RBM20: variants seen among roughly 807,000 people sequenced by gnomAD.
RBM20 encodes the protein RNA-binding protein 20.
A neutral mutation model predicts 110.1 loss-of-function variants in RBM20; 51 were observed. The ratio of observed to expected loss-of-function variants is 0.46; its 90% CI spans 0.37 to 0.59. The LOEUF (loss-of-function observed/expected upper bound fraction) is 0.59, where lower values mean the gene tolerates loss of function less well. Ranked by LOEUF, RBM20 falls within the 20% of genes least tolerant of loss-of-function variation. The probability of loss-of-function intolerance (pLI) is 0.00; values close to 1 mark genes in which losing one functional copy is unlikely to be tolerated. For missense variants in RBM20, 1,512 were observed against 1,574.9 expected (o/e 0.96, Z 0.68); for synonymous variants, 589 against 618.2 (o/e 0.95, Z 0.70).
chr10:110,715,079 C>A (rs1042245080), intron 1 of RBM20, among the ~76,000 whole-genome samples: 1 of 152,194 alleles, frequency 6.6e-6, no homozygotes, highest in Non-Finnish European at 1.5e-5. Context: ...GAAACCCCAA[C>A]TCTACTAAAA....
intron 1 of RBM20, among the ~76,000 whole-genome samples, chr10:110,645,525 CTAAA>C (rs1861856767): frequency 6.6e-6 from 1 of 152,208 alleles, no homozygotes; most frequent in South Asian, 2.1e-4. Flanking sequence ...ACTGACAACA[CTAAA>C]TAAATACACG....
At chr10:110,647,735 ATTATT>A (rs1421707672) in intron 1 of RBM20, among the ~76,000 whole-genome samples, 6 of 152,202 alleles carry the variant, frequency 3.9e-5, no homozygotes, top group Non-Finnish European at 8.8e-5. Context: ...TATTTTTAAA[ATTATT>A]TTGTTTTAAT....
At chr10:110,741,813 AC>A (rs546645957) in intron 1 of RBM20, among the ~76,000 whole-genome samples, 2 of 148,988 alleles carry the variant, frequency 1.3e-5, no homozygotes, top group East Asian at 3.9e-4. Flanking sequence ...AGAGTACATG[AC>A]CCCCCTCCCT....
intron 1 of RBM20, among the ~76,000 whole-genome samples, chr10:110,647,879 C>G (rs747009163): frequency 2.4e-4 from 37 of 152,188 alleles, no homozygotes; most frequent in Admixed American, 2.0e-4. Flanking sequence ...CAGAGCCACT[C>G]AATTCCGTGT....
upstream of RBM20, among the ~76,000 whole-genome samples, chr10:110,643,833 G>C (rs1312300544): frequency 6.6e-6 from 1 of 152,234 alleles, no homozygotes; most frequent in Non-Finnish European, 1.5e-5. Context: ...TCAAGAGCCA[G>C]TGGCGCTGGC....
intron 1 of RBM20, among the ~76,000 whole-genome samples, chr10:110,658,287 A>G (rs1337068805): frequency 6.6e-6 from 1 of 152,184 alleles, no homozygotes; most frequent in Non-Finnish European, 1.5e-5. Context: ...CTGTGAGGGT[A>G]ATTTGACGTC....
intron 1 of RBM20, among the ~76,000 whole-genome samples, chr10:110,752,489 T>C (rs920872846): frequency 1.3e-5 from 2 of 152,246 alleles, no homozygotes; most frequent in African/African-American, 4.8e-5. Context: ...CAATTCTGAA[T>C]AAAGCTGCTA....
chr10:110,737,191 A>AAAAAAAAAAACAAAAAAAAAAAAAC (rs1564830214), intron 1 of RBM20, among the ~76,000 whole-genome samples: 1 of 143,872 alleles, frequency 7.0e-6, no homozygotes, highest in Non-Finnish European at 1.5e-5. Context: ...AAAAAAAAAA[A>AAAAAAAAAAACAAAAAAAAAAAAAC]AAAAAACACC....
At position 110,737,131 on chromosome 10, in the gene RBM20, A is replaced by G. The variant is rs1160589554; in HGVS notation, c.192-43670A>G. 4.3e-5 allele frequency among the ~76,000 whole-genome samples: 6 copies of G among 138,564 alleles called. No homozygotes were observed. In the Admixed American group the frequency reaches 4.5e-4, roughly 10 times the overall value. 90.9% of individuals were successfully genotyped at this position (138,564 alleles called of 152,430 possible). ...GGCAGAGGTTGCAGTGAGCTGAGAT[A>G]GTGCCATTGCACTCCAGCCTGGGCA... On this transcript the variant is annotated intron_variant, in intron 1 of 13. Transcript: ENST00000369519.
chr10:110,688,333 G>T (rs1862535935), intron 1 of RBM20, among the ~76,000 whole-genome samples: 1 of 152,116 alleles, frequency 6.6e-6, no homozygotes, highest in African/African-American at 2.4e-5. Flanking sequence ...TTTTACTCAA[G>T]AAATGTTCAT....
At chr10:110,681,590 G>A (rs1468427126) in intron 1 of RBM20, among the ~76,000 whole-genome samples, 1 of 152,208 alleles carries the variant, frequency 6.6e-6, no homozygotes, top group African/African-American at 2.4e-5. Flanking sequence ...AATGGCAGCT[G>A]CTGCTGCTCC....
Position 110,783,403 on chromosome 10 carries a change from A to G in RBM20, c.1313A>G (p.Gln438Arg), listed in dbSNP as rs1056519997. The change falls in exon 3 of 14, where the codon CAG becomes CGG. Residue 438 changes from glutamine (Q) to arginine (R), a missense_variant. Physicochemically the swap from Gln to Arg is conservative, Grantham distance 43. Around this residue, in one of 3 missense-constraint regions of RBM20, gnomAD observed 1,149 missense variants for 1,169.4 expected, o/e 0.98. Transcript: ENST00000369519. The part of the protein sequence containing the change: ...ELHVKGKLHA[Q>R]KCLVFSENAG... ...CATGTGAAAGGGAAGCTGCACGCTC[A>G]GAAATGCCTGGTCTTCTCTGAAAAG... 1.3e-6 allele frequency: 2 copies of G among 1,551,584 alleles called. No homozygotes were observed. The highest frequency in any genetic ancestry group is 2.0e-5 in the Admixed American group (1 of 51,000).
intron 12 of RBM20, 134 bp downstream of exon 12, chr10:110,823,748 C>CAAAAG: frequency 2.1e-6 from 2 of 938,140 alleles, no homozygotes; most frequent in Non-Finnish European, 3.3e-6. Context: ...GACAAGGTCT[C>CAAAAG]ACTCTGTCAC....
intron 1 of RBM20, among the ~76,000 whole-genome samples, chr10:110,718,046 A>G (rs571201465): frequency 1.3e-5 from 2 of 152,318 alleles, no homozygotes; most frequent in South Asian, 4.1e-4. Flanking sequence ...ATGAAGAAAA[A>G]CAGACAAGCA....
At position 110,784,339 on chromosome 10, in the gene RBM20, A is replaced by G. The variant is rs1227170979; in HGVS notation, c.1338-2A>G. On this transcript the variant is annotated splice_acceptor_variant, in intron 3 of 13. Transcript: ENST00000369519. LOFTEE classifies it high-confidence loss of function. Reference sequence around the variant, plus strand: ...CCGGTTTCCCTTTCTCGCCCTCTCCAGTGCTGGCATCCGGTGTATACTTGG... The same window carrying G: ...CCGGTTTCCCTTTCTCGCCCTCTCCGGTGCTGGCATCCGGTGTATACTTGG... 1 of 1,549,518 alleles carries G rather than the reference A, an allele frequency of 6.5e-7. No individual in the cohort carries two copies. Among genetic ancestry groups the G allele is most frequent in the South Asian group, 1.2e-5 (1 of 84,012 alleles).
intron 7 of RBM20, among the ~76,000 whole-genome samples, chr10:110,801,882 G>T (rs567956475): frequency 1.3e-5 from 2 of 151,870 alleles, no homozygotes; most frequent in African/African-American, 4.8e-5. Context: ...CCCTAATTGC[G>T]CATGGAGATT....
chr10:110,704,812 TGGAG>T (rs1464181422), intron 1 of RBM20, among the ~76,000 whole-genome samples: 3 of 151,906 alleles, frequency 2.0e-5, no homozygotes, highest in Non-Finnish European at 4.4e-5. Context: ...GAGGACAGAG[TGGAG>T]GTTTGGAGAA....
intron 1 of RBM20, among the ~76,000 whole-genome samples, chr10:110,696,942 G>A (rs1862673150): frequency 6.6e-6 from 1 of 152,070 alleles, no homozygotes; most frequent in African/African-American, 2.4e-5. Context: ...CCTCCCAAAA[G>A]GGAGCCCATC....
intron 1 of RBM20, among the ~76,000 whole-genome samples, chr10:110,663,109 T>C (rs939579828): frequency 6.6e-6 from 1 of 152,074 alleles, no homozygotes; most frequent in African/African-American, 2.4e-5. Flanking sequence ...GGATTACTGA[T>C]GCACACTGCC....
Sources: gnomAD v4.1 joint callset for allele counts (sites outside exome capture counted in the v4.1 genomes callset) on GRCh38, gnomAD v4.1.1 for gene constraint, gnomAD v4.1.1 regional missense constraint, MANE v1.5 for transcripts, NCBI Gene and HGNC (gene_info 2026-07-23, HGNC 2026-07-21) for gene names.